DCDC1: variants seen among roughly 807,000 people sequenced by gnomAD.
DCDC1 encodes doublecortin domain-containing protein 1.
Under a neutral mutation model 178.3 loss-of-function variants are expected in DCDC1, and 200 were observed. That is an observed-to-expected ratio of 1.12 (90% CI 1.00 to 1.26). The LOEUF (loss-of-function observed/expected upper bound fraction) is 1.26, where lower values mean the gene tolerates loss of function less well. DCDC1 is among the 50% of genes most tolerant of loss of function. The pLI is 0.00. For synonymous variants in DCDC1, 690 were observed against 604.8 expected, an observed-to-expected ratio of 1.14 and a Z score of -2.07; for missense variants, 1,983 against 1,749.2, an observed-to-expected ratio of 1.13 and a Z score of -2.38.
chr11:31,001,725 G>T (rs1221512295), intron 20 of DCDC1, among the ~76,000 whole-genome samples: 3 of 152,222 alleles, frequency 2.0e-5, no homozygotes, highest in African/African-American at 7.2e-5. Flanking sequence ...CGCACTTCCA[G>T]ACAAAGTCTG....
intron 9 of DCDC1, among the ~76,000 whole-genome samples, chr11:31,150,013 T>A (rs1272150875): frequency 6.6e-6 from 1 of 152,238 alleles, no homozygotes; most frequent in Non-Finnish European, 1.5e-5. Flanking sequence ...CATACTGTTT[T>A]CCACGGTGGG....
intron 14 of DCDC1, among the ~76,000 whole-genome samples, chr11:31,102,661 C>A (rs996132720): frequency 8.5e-5 from 13 of 152,156 alleles, no homozygotes; most frequent in Non-Finnish European, 1.6e-4. Flanking sequence ...AGATAGATTA[C>A]CTAATCCAAA....
intron 20 of DCDC1, among the ~76,000 whole-genome samples, chr11:30,987,688 G>A (rs138323348): frequency 0.02 from 2,973 of 152,260 alleles, 95 homozygotes; most frequent in African/African-American, 0.068. Context: ...TGGTGGAAAG[G>A]CTCTAGATCA....
intron 34 of DCDC1, among the ~76,000 whole-genome samples, chr11:30,895,322 T>C (rs773992216): frequency 4.6e-5 from 7 of 152,136 alleles, no homozygotes; most frequent in Non-Finnish European, 7.4e-5. Context: ...TGGATTGCAA[T>C]TGGGCTGCAC....
intron 1 of DCDC1, among the ~76,000 whole-genome samples, chr11:31,355,874 T>C (rs1178052748): frequency 1.3e-5 from 2 of 152,046 alleles, no homozygotes; most frequent in African/African-American, 2.4e-5. Context: ...TGGCTGACGA[T>C]CTTAACTTTC....
chr11:30,979,585 AG>A (rs1197635460), intron 20 of DCDC1, among the ~76,000 whole-genome samples: 2 of 152,076 alleles, frequency 1.3e-5, no homozygotes, highest in Non-Finnish European at 2.9e-5. Context: ...TGGATCTGAG[AG>A]GAATTATGGT....
At chr11:31,117,056 A>G (rs1960072595) in intron 11 of DCDC1, among the ~76,000 whole-genome samples, 1 of 152,176 alleles carries the variant, frequency 6.6e-6, no homozygotes, top group Non-Finnish European at 1.5e-5. Context: ...TATCTCTCCC[A>G]CCAACTTGCC....
chr11:31,330,798 TAG>T lies in DCDC1; in HGVS notation c.-6-2514_-6-2513del, dbSNP rs1446535247. ...CAGTACCATGCTGTTTTGGTTACTG[TAG>T]CCTTGTAGTATAGTTTGAAGTCAGG... is the stretch of plus-strand genomic sequence containing the variant. On this transcript the variant is annotated intron_variant, in intron 2 of 38. Transcript: ENST00000684477. Among the ~76,000 whole-genome samples the T allele has an allele frequency of 2.0e-4, 31 of 152,332 alleles. No individual in the cohort carries two copies. The East Asian group carries it at 2.3e-3, about 11-fold the overall frequency.
chr11:30,955,984 G>A (rs1004080598), intron 20 of DCDC1, among the ~76,000 whole-genome samples: 4 of 152,150 alleles, frequency 2.6e-5, no homozygotes, highest in African/African-American at 7.2e-5. Flanking sequence ...GGAGCAGTAC[G>A]GATATACTAG....
intron 15 of DCDC1, among the ~76,000 whole-genome samples, chr11:31,096,629 C>T (rs1958169482): frequency 1.3e-5 from 2 of 151,812 alleles, no homozygotes; most frequent in Non-Finnish European, 2.9e-5. Context: ...TTTTGCTGGA[C>T]AGTTCCCAAG....
At chr11:31,194,240 T>C (rs1478336338) in intron 9 of DCDC1, among the ~76,000 whole-genome samples, 1 of 152,110 alleles carries the variant, frequency 6.6e-6, no homozygotes, top group Non-Finnish European at 1.5e-5. Context: ...TTGTGCCACT[T>C]GGGTGCATTA....
chr11:30,881,795 T>C (rs538599336), intron 36 of DCDC1, among the ~76,000 whole-genome samples: 1 of 152,132 alleles, frequency 6.6e-6, no homozygotes, highest in Non-Finnish European at 1.5e-5. Flanking sequence ...TATGATTCTA[T>C]AGTTAAAAAG....
chr11:31,241,800 G>A (rs183274496), intron 8 of DCDC1, 184 bp from the exon 9 acceptor site: 214 of 364,344 alleles, frequency 5.9e-4, no homozygotes, highest in Non-Finnish European at 7.6e-4. Context: ...TATTTATATT[G>A]AGACACCCCC....
intron 8 of DCDC1, among the ~76,000 whole-genome samples, chr11:31,257,115 C>T (rs778089601): frequency 1.3e-4 from 20 of 152,154 alleles, no homozygotes; most frequent in Non-Finnish European, 2.5e-4. Flanking sequence ...TCAAGGATAA[C>T]GGCAACTGAG....
intron 7 of DCDC1, among the ~76,000 whole-genome samples, chr11:31,267,987 CA>C (rs1945284394): frequency 1.3e-5 from 2 of 152,314 alleles, no homozygotes; most frequent in South Asian, 4.1e-4. Flanking sequence ...TAATTCAGTA[CA>C]AATTGCTCCT....
intron 20 of DCDC1, among the ~76,000 whole-genome samples, chr11:30,982,513 T>C (rs1950440083): frequency 6.6e-6 from 1 of 152,224 alleles, no homozygotes; most frequent in Admixed American, 6.6e-5. Flanking sequence ...TAGGAATTAA[T>C]TGCAGGCTTC....
intron 8 of DCDC1, among the ~76,000 whole-genome samples, chr11:31,256,389 C>T (rs761306776): frequency 1.3e-5 from 2 of 152,172 alleles, no homozygotes; most frequent in Non-Finnish European, 2.9e-5. Context: ...CAGCTGGCTA[C>T]AAATTCTGGG....
chr11:30,939,852 C>T (rs898420007), intron 21 of DCDC1, among the ~76,000 whole-genome samples: 4 of 152,010 alleles, frequency 2.6e-5, no homozygotes, highest in Admixed American at 2.6e-4. Flanking sequence ...ATATTTGTTT[C>T]CTATGTTTAG....
At chr11:30,909,227 A>G (rs1945279220) in intron 28 of DCDC1, 111 bp from the exon 29 acceptor site, 12 of 834,860 alleles carry the variant, frequency 1.4e-5, no homozygotes, top group Non-Finnish European at 2.0e-5. Context: ...TAATCCCACC[A>G]CACAGTGACA....
Sources: allele counts gnomAD v4.1 joint callset (sites outside exome capture counted in the v4.1 genomes callset), GRCh38; gene constraint gnomAD v4.1.1; transcripts MANE v1.5; gene names NCBI Gene and HGNC (gene_info 2026-07-23, HGNC 2026-07-21).